Variants in DHX9 observed in about 807,000 individuals in gnomAD.
DHX9 encodes the protein DExH-box helicase 9.
In DHX9, 27 loss-of-function variants were observed where a neutral mutation model predicts 148.7. That is an observed-to-expected ratio of 0.18 (90% CI 0.13 to 0.25). The LOEUF is 0.25. DHX9 is among the 10% of genes least tolerant of loss of function. The pLI is 1.00. For synonymous variants in DHX9, 529 were observed against 516.6 expected (o/e 1.02, Z -0.33); for missense variants, 796 against 1,559.6 (o/e 0.51, Z 8.25).
At chr1:182,849,256 A>G (rs1017722782) in intron 3 of DHX9, among the ~76,000 whole-genome samples, 8 of 152,228 alleles carry the variant, frequency 5.3e-5, no homozygotes, top group Non-Finnish European at 7.3e-5. Flanking sequence ...AAAGAATAAT[A>G]TAGTGAAACT....
chr1:182,846,706 T>C (rs934272819), intron 3 of DHX9, among the ~76,000 whole-genome samples: 20 of 152,152 alleles, frequency 1.3e-4, no homozygotes, highest in African/African-American at 4.6e-4. Flanking sequence ...CGGGCATGGG[T>C]TTTTTTGTAT....
chr1:182,847,308 A>G (rs1326068438), intron 3 of DHX9, among the ~76,000 whole-genome samples: 1 of 152,204 alleles, frequency 6.6e-6, no homozygotes, highest in African/African-American at 2.4e-5. Context: ...GCATTGGAAT[A>G]TTATGCTGTG....
rs367629488 is a variant in DHX9, at chr1:182,876,154, A to C, written c.1920A>C (p.Leu640=). 3 of 1,613,986 alleles carry C rather than the reference A, an allele frequency of 1.9e-6. No homozygotes were observed. The highest frequency in any genetic ancestry group is 1.1e-5 in the South Asian group (1 of 91,074). ...CTCCTTTTGAACTCATCGAGGCTCTACTTAAGTACATTGAAACCCTTAATG... is the reference window on the plus strand; with the variant it reads ...CTCCTTTTGAACTCATCGAGGCTCTCCTTAAGTACATTGAAACCCTTAATG... ...KETPFELIEA[L]LKYIETLNVP... The change falls in exon 17 of 28, where the codon CTA becomes CTC. Residue 640 remains leucine, a synonymous_variant. Transcript: ENST00000367549.
intron 11 of DHX9, among the ~76,000 whole-genome samples, chr1:182,859,464 A>G (rs191858349): frequency 2.6e-5 from 4 of 152,358 alleles, no homozygotes; most frequent in Middle Eastern, 3.4e-3. Context: ...GTTTTTGGAC[A>G]ACATCAAAAG....
intron 3 of DHX9, among the ~76,000 whole-genome samples, chr1:182,847,968 T>G (rs1374745627): frequency 6.6e-6 from 1 of 152,190 alleles, no homozygotes; most frequent in East Asian, 1.9e-4. Context: ...GGTGATTTTT[T>G]TATTATTGTT....
rs776049351 is a variant in DHX9 at position 182,878,027 on chromosome 1, A to G, written c.2205A>G (p.Lys735=). 63 of 1,614,070 alleles carry G rather than the reference A, an allele frequency of 3.9e-5. No individual in the cohort carries two copies. Among genetic ancestry groups the G allele is most frequent in the Non-Finnish European group, 5.1e-5 (60 of 1,180,036 alleles). ...ACCACTTTTTCCTATGTAGGCAGAA[A>G]GTGAAACTCTTCACTGCTCACAACA... ...VVYVIDSCKQ[K]VKLFTAHNNM... Residue 735 remains lysine, a synonymous_variant, in exon 20 of 28, where the codon AAA becomes AAG. Transcript: ENST00000367549.
At chr1:182,860,306 A>T (rs991691474) in intron 12 of DHX9, 122 bp downstream of exon 12, 15 of 860,602 alleles carry the variant, frequency 1.7e-5, no homozygotes, top group African/African-American at 7.0e-5. Context: ...AATTAAATTT[A>T]AAAAAAGAAA....
At position 182,883,198 on chromosome 1, in the gene DHX9, A is replaced by G; in HGVS notation, c.2974A>G (p.Ile992Val). 3.1e-6 allele frequency: 5 copies of G among 1,614,154 alleles called. No individual in the cohort carries two copies. Among genetic ancestry groups the G allele is most frequent in the South Asian group, 1.1e-5 (1 of 91,084 alleles). The change falls in exon 25 of 28, where the codon ATC becomes GTC. Residue 992 changes from isoleucine to valine, a missense_variant. Physicochemically the swap from Ile to Val is conservative, Grantham distance 29 (BLOSUM62 3). Transcript: ENST00000367549. ...TGPDNNLDVV[I>V]SLLAFGVYPN... ...ACCAGATAATAATTTGGATGTTGTT[A>G]TCTCCCTCCTGGCCTTTGGTGTGTA... is the stretch of plus-strand genomic sequence containing the variant.
intron 14 of DHX9, among the ~76,000 whole-genome samples, chr1:182,871,426 G>T (rs1648549763): frequency 6.6e-6 from 1 of 152,154 alleles, no homozygotes; most frequent in Non-Finnish European, 1.5e-5. Flanking sequence ...TGCTTATGGG[G>T]ATATATAAAT....
Position 182,884,708 on chromosome 1 carries a change from C to T in DHX9, c.3356C>T (p.Ala1119Val). ...ALVVEVTKQPAIISQLDPVNE... is the reference protein window; with the variant it reads ...ALVVEVTKQPVIISQLDPVNE... ...GTTGTTGAAGTAACCAAACAACCTG[C>T]TATCATCAGCCAGTTGGACCCCGTA... Residue 1119 changes from alanine to valine, a missense_variant, in exon 27 of 28, where the codon GCT becomes GTT. By Grantham distance (64) the Ala-to-Val change is moderately conservative (BLOSUM62 0). Around this residue, in one of 14 missense-constraint regions of DHX9, gnomAD observed 86 missense variants for 156.3 expected, o/e 0.55. Transcript: ENST00000367549. 1 of 1,614,130 alleles carries T rather than the reference C, an allele frequency of 6.2e-7. No homozygotes were observed. The highest frequency in any genetic ancestry group is 8.5e-7 in the Non-Finnish European group (1 of 1,180,022).
Position 182,852,247 on chromosome 1 carries a change from C to G in DHX9, c.267C>G (p.Pro89=), listed in dbSNP as rs767721577. Residue 89 remains proline (P), a synonymous_variant, in exon 4 of 28, where the codon CCC becomes CCG. Coordinates refer to ENST00000367549, the MANE Select transcript of DHX9 (RefSeq NM_001357.5). ...EVPAFGVASP[P]PLTDTPDTTA... ...TTCTTTTGCAGGTAGCATCTCCGCC[C>G]CCACTTACTGATACTCCTGACACTA... The G allele has an allele frequency of 2.5e-6, 4 of 1,609,080 alleles. No individual in the cohort carries two copies. The highest frequency in any genetic ancestry group is 3.4e-6 in the Non-Finnish European group (4 of 1,178,058).
intron 15 of DHX9, 126 bp downstream of exon 15, chr1:182,872,619 T>C: frequency 9.4e-7 from 1 of 1,060,556 alleles, no homozygotes; most frequent in Non-Finnish European, 1.4e-6. Flanking sequence ...GTATCAAATG[T>C]ATCATAGCAT....
intron 3 of DHX9, among the ~76,000 whole-genome samples, chr1:182,851,578 A>T (rs867537338): frequency 6.6e-5 from 10 of 152,356 alleles, no homozygotes; most frequent in Middle Eastern, 6.8e-3. Context: ...GCAAACAGAA[A>T]TAGTTCATCC....
At chr1:182,879,194 A>G in intron 20 of DHX9, 56 bp from the exon 21 acceptor site, 1 of 1,351,654 alleles carries the variant, frequency 7.4e-7, no homozygotes, top group African/African-American at 1.5e-5. Context: ...CAAAAAGTTT[A>G]TTAACATCTG....
chr1:182,884,657 G>A lies in DHX9; in HGVS notation c.3305G>A (p.Gly1102Asp). Residue 1102 changes from glycine (G) to aspartate (D), a missense_variant, in exon 27 of 28, where the codon GGT becomes GAT. Coordinates refer to ENST00000367549, the MANE Select transcript of DHX9 (RefSeq NM_001357.5). ...CATGAAGCTGCTGCCTGTATCACTG[G>A]TCTCCGGGCAGCCATGGAGGCTTTG... ...ISHEAAACIT[G>D]LRAAMEALVV... 2 of 1,614,064 alleles carry A rather than the reference G, an allele frequency of 1.2e-6. No individual in the cohort carries two copies. The highest frequency in any genetic ancestry group is 1.7e-6 in the Non-Finnish European group (2 of 1,180,022).
chr1:182,852,458 A>G, intron 4 of DHX9, 114 bp downstream of exon 4: 1 of 647,918 alleles, frequency 1.5e-6, no homozygotes, highest in Non-Finnish European at 2.6e-6. Flanking sequence ...TGATGTTAAG[A>G]GACAACCCAA....
chr1:182,876,431 C>T lies in DHX9; in HGVS notation c.2030-16C>T, dbSNP rs777033852. On this transcript the variant is annotated splice_polypyrimidine_tract_variant and intron_variant, in intron 17 of 27. Coordinates refer to ENST00000367549, the MANE Select transcript of DHX9 (RefSeq NM_001357.5). ...CTCCTGTTTTTAGTCCCTGATTGTT[C>T]TTTATTGTTATATAGGAAGCCATCG... 1 of 1,609,018 alleles carries T rather than the reference C, an allele frequency of 6.2e-7. No individual in the cohort carries two copies. Among genetic ancestry groups the T allele is most frequent in the Admixed American group, 1.7e-5 (1 of 59,952 alleles).
intron 20 of DHX9, among the ~76,000 whole-genome samples, chr1:182,878,645 A>T (rs1248921270): frequency 6.6e-6 from 1 of 152,248 alleles, no homozygotes; most frequent in Non-Finnish European, 1.5e-5. Context: ...TCTCTTTTAA[A>T]ACTGAAATGC....
At chr1:182,855,266 G>C (rs982942375) in intron 6 of DHX9, among the ~76,000 whole-genome samples, 5 of 152,184 alleles carry the variant, frequency 3.3e-5, no homozygotes, top group African/African-American at 1.2e-4. Flanking sequence ...AGCACTTGGT[G>C]ACTTTAAGAA....
Sources: allele counts gnomAD v4.1 joint callset (sites outside exome capture counted in the v4.1 genomes callset), GRCh38; gene constraint gnomAD v4.1.1; regional missense constraint gnomAD v4.1.1; transcripts MANE v1.5; gene names NCBI Gene and HGNC (gene_info 2026-07-23, HGNC 2026-07-21).